ATP11C: variants seen among roughly 807,000 people sequenced by gnomAD.
The protein encoded by ATP11C is ATPase phospholipid transporting 11C (ATP11C blood group).
ATP11C carries 36 observed loss-of-function variants against 97.4 expected under a neutral mutation model. That is an observed-to-expected ratio of 0.37 (90% CI 0.28 to 0.49). ATP11C has a LOEUF of 0.49. Ranked by LOEUF, ATP11C falls within the 20% of genes least tolerant of loss-of-function variation. The probability of loss-of-function intolerance (pLI) is 0.98; values close to 1 mark genes in which losing one functional copy is unlikely to be tolerated. For missense variants in ATP11C, 730 were observed against 824.6 expected (o/e 0.89, Z 1.40); for synonymous variants, 275 against 290.9 (o/e 0.95, Z 0.56).
chrX:139,850,534 A>G lies in ATP11C; in HGVS notation c.28-23711T>C, dbSNP rs140800206. Reference sequence around the variant, plus strand: ...GAAGAAATTTCTAAGCAAAATATCAAAGGAGCTGTGTGGCTATTTTTAACC... The same window carrying G: ...GAAGAAATTTCTAAGCAAAATATCAGAGGAGCTGTGTGGCTATTTTTAACC... On this transcript the variant is annotated intron_variant, in intron 1 of 29. Transcript: ENST00000682941. 3.4e-3 allele frequency among the ~76,000 whole-genome samples: 380 copies of G among 112,100 alleles called. 2 individuals carry two copies. The highest frequency in any genetic ancestry group is 0.011 in the African/African-American group (354 of 30,851).
intron 1 of ATP11C, among the ~76,000 whole-genome samples, chrX:139,899,904 G>C (rs2084869423): frequency 9.0e-6 from 1 of 111,392 alleles, no homozygotes; most frequent in African/African-American, 3.3e-5. Flanking sequence ...TCAGATGGAA[G>C]TAGTTTTGTC....
At position 139,762,672 on chromosome X, in the gene ATP11C, T is replaced by C. The variant is rs769960198; in HGVS notation, c.2495-566A>G. On this transcript the variant is annotated intron_variant, in intron 21 of 29. Coordinates refer to ENST00000682941, the MANE Select transcript of ATP11C (RefSeq NM_001353812.2). ...AAAAGAACAGTTTGGGAACCTAAAC[T>C]GCAGTACAATAATTCCCAAGATATG... Among the ~76,000 whole-genome samples, 167 of 111,525 alleles carry C rather than the reference T, an allele frequency of 1.5e-3. 1 individual carries two copies. The highest frequency in any genetic ancestry group is 5.0e-3 in the African/African-American group (155 of 30,717).
intron 18 of ATP11C, among the ~76,000 whole-genome samples, chrX:139,778,996 C>T (rs910364401): frequency 1.8e-5 from 2 of 111,591 alleles, no homozygotes; most frequent in South Asian, 3.8e-4. Flanking sequence ...AAAGACAAAG[C>T]GGGAATTACA....
At chrX:139,918,807 T>C (rs2085200725) in intron 1 of ATP11C, among the ~76,000 whole-genome samples, 1 of 111,245 alleles carries the variant, frequency 9.0e-6, no homozygotes, top group Non-Finnish European at 1.9e-5. Context: ...GGGGGAGCTG[T>C]TGTTTAATGG....
chrX:139,821,371 T>A (rs868326003), intron 2 of ATP11C, among the ~76,000 whole-genome samples: 3 of 112,355 alleles, frequency 2.7e-5, no homozygotes, highest in South Asian at 3.7e-4. Flanking sequence ...TCCAGTCACT[T>A]TGAAGCTGAC....
At chrX:139,856,809 T>TA (rs1242021477) in intron 1 of ATP11C, among the ~76,000 whole-genome samples, 1 of 112,233 alleles carries the variant, frequency 8.9e-6, no homozygotes, top group Non-Finnish European at 1.9e-5. Context: ...GAGATGCTGT[T>TA]AAAGGAATAG....
At chrX:139,827,563 A>T (rs1459265656) in intron 1 of ATP11C, among the ~76,000 whole-genome samples, 1 of 111,333 alleles carries the variant, frequency 9.0e-6, no homozygotes. Flanking sequence ...TCTTCACTTT[A>T]ATCAGGATAA....
At chrX:139,824,238 G>A (rs1369834112) in intron 2 of ATP11C, among the ~76,000 whole-genome samples, 1 of 108,829 alleles carries the variant, frequency 9.2e-6, no homozygotes, top group African/African-American at 3.4e-5. Context: ...AAAATTCATA[G>A]CAGAGTACAA....
At chrX:139,812,233 T>C (rs946835484) in intron 5 of ATP11C, among the ~76,000 whole-genome samples, 1 of 111,620 alleles carries the variant, frequency 9.0e-6, no homozygotes, top group African/African-American at 3.3e-5. Context: ...ACACTTACAC[T>C]CCAGAAACAG....
chrX:139,898,411 T>C lies in ATP11C; in HGVS notation c.27+33605A>G, dbSNP rs373086456. Among the ~76,000 whole-genome samples the C allele has an allele frequency of 8.1e-5, 9 of 111,600 alleles. No individual in the cohort carries two copies. The East Asian group carries it at 1.1e-3, about 14-fold the overall frequency. On this transcript the variant is annotated intron_variant, in intron 1 of 29. Transcript: ENST00000682941. ...CAAACATATTTTAATAAAAACCATT[T>C]TAGCAAGTGAGTTCTTACCAAGCAA...
chrX:139,798,475 T>C (rs983653673), intron 9 of ATP11C, 121 bp from the exon 10 acceptor site: 1 of 520,153 alleles, frequency 1.9e-6, no homozygotes, highest in Middle Eastern at 4.6e-4. Flanking sequence ...CACTCACCAG[T>C]TGTATATCAT....
chrX:139,902,513 C>T (rs1160212451), intron 1 of ATP11C, among the ~76,000 whole-genome samples: 1 of 111,708 alleles, frequency 9.0e-6, no homozygotes, highest in East Asian at 2.8e-4. Flanking sequence ...AATTTTTTCT[C>T]CCCTACCTGA....
intron 1 of ATP11C, among the ~76,000 whole-genome samples, chrX:139,920,086 G>A (rs1340923737): frequency 1.8e-5 from 2 of 110,493 alleles, no homozygotes; most frequent in African/African-American, 3.3e-5. Context: ...GAGTCCGGGC[G>A]CGGTGGCTCA....
rs773227972 is a variant in ATP11C at position 139,774,927 on chromosome X, A to G, written c.1979T>C (p.Ile660Thr). 14 of 1,210,374 alleles carry G rather than the reference A, an allele frequency of 1.2e-5. No homozygotes were observed. Among genetic ancestry groups the G allele is most frequent in the South Asian group, 1.8e-5 (1 of 56,631 alleles). ...DKLQDQAAET[I>T]EALHAAGLKV... ...CAGGCCTGCTGCATGCAGAGCTTCA[A>G]TGGTCTCTGCAGCTTGATCTTGTAG... The change falls in exon 19 of 30, where the codon ATT becomes ACT. Residue 660 changes from isoleucine (I) to threonine (T), a missense_variant. Physicochemically the swap from Ile to Thr is moderately conservative, Grantham distance 89 (BLOSUM62 -1). Coordinates refer to ENST00000682941, the MANE Select transcript of ATP11C (RefSeq NM_001353812.2).
chrX:139,776,893 C>T (rs986769856), intron 18 of ATP11C, among the ~76,000 whole-genome samples: 1 of 112,005 alleles, frequency 8.9e-6, no homozygotes, highest in African/African-American at 3.2e-5. Flanking sequence ...AGCCACTGCA[C>T]TGAAGCTATC....
intron 18 of ATP11C, among the ~76,000 whole-genome samples, chrX:139,776,682 G>C (rs978809408): frequency 1.8e-5 from 2 of 110,988 alleles, no homozygotes; most frequent in African/African-American, 6.6e-5. Context: ...TCTCCCAGAG[G>C]GAGAACTGAC....
rs1295562395 is a variant in ATP11C, at chrX:139,932,335, G to C, written c.-293C>G. ...CTGGCCCCGGCACCCCGGGCCGGCA[G>C]CTCGCGCAGCACCCACTGAGAAGGC... On this transcript the variant is annotated 5_prime_UTR_variant, in exon 1 of 30. Transcript: ENST00000682941. 9.1e-5 allele frequency: 10 copies of C among 109,490 alleles called. No homozygotes were observed. The highest frequency in any genetic ancestry group is 3.3e-4 in the African/African-American group (10 of 30,333). 9.0% of individuals were successfully genotyped at this position (109,490 alleles called of 1,213,427 possible).
chrX:139,843,323 T>C (rs993855049), intron 1 of ATP11C, among the ~76,000 whole-genome samples: 1 of 111,839 alleles, frequency 8.9e-6, no homozygotes, highest in Non-Finnish European at 1.9e-5. Context: ...GATGGAAGAA[T>C]TACAAACAGA....
intron 27 of ATP11C, among the ~76,000 whole-genome samples, chrX:139,738,846 C>A (rs1181487140): frequency 1.8e-5 from 2 of 110,291 alleles, no homozygotes; most frequent in East Asian, 2.9e-4. Flanking sequence ...GAAGTGGTTG[C>A]TTAAAGACAG....
Sources: gnomAD v4.1 joint callset for allele counts (sites outside exome capture counted in the v4.1 genomes callset) on GRCh38, gnomAD v4.1.1 for gene constraint, MANE v1.5 for transcripts, NCBI Gene and HGNC (gene_info 2026-07-23, HGNC 2026-07-21) for gene names.